The following ATPAF1 variants were observed in gnomAD, a reference collection of about 807,000 sequenced individuals.
ATPAF1 encodes the protein ATP synthase mitochondrial F1 complex assembly factor 1, also known as homolog of yeast ATP11.
Under a neutral mutation model 43.9 loss-of-function variants are expected in ATPAF1, and 26 were observed. That is an observed-to-expected ratio of 0.59 (90% confidence interval 0.43 to 0.82). ATPAF1 has a LOEUF of 0.82. Among genes scored for constraint, ATPAF1 ranks in the 40% least tolerant of loss-of-function variants. The pLI is 0.00. For synonymous variants in ATPAF1, 157 were observed against 168.0 expected (o/e 0.93, Z 0.50); for missense variants, 366 against 435.0 (o/e 0.84, Z 1.41).
intron 2 of ATPAF1, among the ~76,000 whole-genome samples, chr1:46,663,240 C>T (rs1341909822): frequency 3.9e-5 from 6 of 152,214 alleles, no homozygotes. Flanking sequence ...CCGCAATAAA[C>T]ATACATGTGC....
At chr1:46,648,893 C>T (rs61784001) in intron 6 of ATPAF1, among the ~76,000 whole-genome samples, 39,689 of 151,696 alleles carry the variant, frequency 0.26, 5,430 homozygotes, top group East Asian at 0.38. Context: ...GCTCAAGAAT[C>T]GCTTGAACCT....
At chr1:46,651,176 A>T (rs1225832782) in intron 6 of ATPAF1, among the ~76,000 whole-genome samples, 4 of 149,486 alleles carry the variant, frequency 2.7e-5, no homozygotes, top group Admixed American at 6.7e-5. Flanking sequence ...CAGTCCCCAG[A>T]GTGTGATGTT....
At chr1:46,664,924 C>A (rs1445422725) in intron 2 of ATPAF1, 9 of 237,218 alleles carry the variant, frequency 3.8e-5, no homozygotes, top group African/African-American at 2.0e-4. Flanking sequence ...AAATCCCCCA[C>A]AACGTTCCTA....
At chr1:46,646,444 G>C (rs1676046628) in intron 6 of ATPAF1, among the ~76,000 whole-genome samples, 2 of 151,882 alleles carry the variant, frequency 1.3e-5, no homozygotes, top group Admixed American at 1.3e-4. Flanking sequence ...GCTGATATTG[G>C]AGCATGGCTC....
At position 46,658,196 on chromosome 1, in the gene ATPAF1, A is replaced by G; in HGVS notation, c.427-7T>C. ...TAAAGATTGAACTGAGAGTCTTGAA[A>G]GAGACAATAAAAAGCAATTAACACA... On this transcript the variant is annotated splice_polypyrimidine_tract_variant and splice_region_variant and intron_variant, in intron 3 of 8. Coordinates refer to ENST00000574428, the Ensembl canonical transcript of ATPAF1. 2 of 1,592,580 alleles carry G rather than the reference A, an allele frequency of 1.3e-6. No homozygotes were observed. The highest frequency in any genetic ancestry group is 1.7e-6 in the Non-Finnish European group (2 of 1,170,252).
upstream of ATPAF1, chr1:46,668,378 C>T (rs1676533034): frequency 1.6e-6 from 2 of 1,249,358 alleles, no homozygotes; most frequent in Admixed American, 4.2e-5. This position sits in a 1 kb window ranked among gnomAD's most constrained non-coding sequence, Gnocchi z 4.4. Flanking sequence ...CCGCGGCCCG[C>T]GCGCCCGCTC....
rs780218473 is a variant in ATPAF1 at position 46,653,987 on chromosome 1, C to T, written c.490-120G>A. ...GCTATTTGATAACAGAGAGGAAAAACCCAGTATAACGCTTTCATTACTAGC... is the reference window on the plus strand; with the variant it reads ...GCTATTTGATAACAGAGAGGAAAAATCCAGTATAACGCTTTCATTACTAGC... On this transcript the variant is annotated intron_variant, in intron 4 of 8. Transcript: ENST00000574428. This position sits in a 1 kb window ranked among gnomAD's most constrained non-coding sequence, Gnocchi z 4.8. The T allele has an allele frequency of 1.2e-6, 1 of 809,896 alleles. No homozygotes were observed. The highest frequency in any genetic ancestry group is 1.9e-5 in the South Asian group (1 of 53,250). The allele number at this position is 809,896 out of a possible 1,614,324, so 50.2% of individuals were successfully genotyped here.
intron 2 of ATPAF1, 165 bp downstream of exon 2, chr1:46,665,091 T>C: frequency 1.5e-6 from 1 of 657,228 alleles, no homozygotes; most frequent in Non-Finnish European, 2.6e-6. Context: ...GTACTTTGCC[T>C]AGAAAGAGCA....
chr1:46,642,240 T>C (rs1184776286), intron 8 of ATPAF1, among the ~76,000 whole-genome samples: 1 of 152,208 alleles, frequency 6.6e-6, no homozygotes. Context: ...GTCCTAGGTT[T>C]GTGGGTTACT....
upstream of ATPAF1, chr1:46,668,408 C>T (rs1198662314): frequency 2.4e-5 from 28 of 1,180,482 alleles, no homozygotes; most frequent in East Asian, 9.6e-4. This position sits in a 1 kb window ranked among gnomAD's most constrained non-coding sequence, Gnocchi z 4.4. Context: ...CCGAGTGCGC[C>T]GCGCCCGCGC....
intron 3 of ATPAF1, 63 bp from the exon 4 acceptor site, chr1:46,658,252 C>CT: frequency 8.1e-7 from 1 of 1,229,466 alleles, no homozygotes; most frequent in Non-Finnish European, 1.2e-6. Context: ...CAGCTTAACT[C>CT]TATCTCTAAG....
At chr1:46,636,254 G>GT (rs1675839422) in intron 8 of ATPAF1, 2 of 483,248 alleles carry the variant, frequency 4.1e-6, no homozygotes, top group South Asian at 2.1e-5. Flanking sequence ...ACCGTGGTTT[G>GT]TTTTATATCT....
At chr1:46,642,646 C>A in intron 8 of ATPAF1, among the ~76,000 whole-genome samples, 1 of 152,140 alleles carries the variant, frequency 6.6e-6, no homozygotes, top group Non-Finnish European at 1.5e-5. Flanking sequence ...GAGAGCTATC[C>A]TAGGCTTCAA....
At chr1:46,665,854 C>T in intron 1 of ATPAF1, 1 of 1,423,890 alleles carries the variant, frequency 7.0e-7, no homozygotes, top group South Asian at 1.5e-5. Context: ...GATTTAGCAT[C>T]TGAGTATCTC....
chr1:46,668,332 C>A lies in ATPAF1; in HGVS notation c.-10G>T. On this transcript the variant is annotated 5_prime_UTR_variant, in exon 1 of 9. Coordinates refer to ENST00000574428, the Ensembl canonical transcript of ATPAF1. The surrounding 1 kb of genome is among the most constrained non-coding windows in gnomAD (Gnocchi z 4.4). ...CCACCACAGCAGCCATGGCCGCCCC[C>A]GCCTCCTCCTCCTCCTCAGGCGCGT... The A allele has an allele frequency of 1.5e-6, 2 of 1,357,544 alleles. No individual in the cohort carries two copies. The highest frequency in any genetic ancestry group is 1.7e-5 in the South Asian group (1 of 59,628). 84.1% of individuals were successfully genotyped at this position (1,357,544 alleles called of 1,614,324 possible).
intron 7 of ATPAF1, 55 bp downstream of exon 7, chr1:46,645,106 A>G: frequency 1.4e-6 from 2 of 1,420,638 alleles, no homozygotes; most frequent in South Asian, 1.2e-5. Context: ...AAGGGTTTCT[A>G]GTCCTACCAA....
chr1:46,659,714 T>A (rs1307917142), intron 2 of ATPAF1, among the ~76,000 whole-genome samples: 1 of 152,204 alleles, frequency 6.6e-6, no homozygotes. Context: ...AGGCTGTGCT[T>A]CTCAGAAGTA....
chr1:46,637,715 C>T (rs1675868598), intron 8 of ATPAF1, among the ~76,000 whole-genome samples: 1 of 152,202 alleles, frequency 6.6e-6, no homozygotes, highest in Non-Finnish European at 1.5e-5. Context: ...GCACTAATCT[C>T]TGAGACTGCA....
chr1:46,646,306 G>C (rs1676044706), intron 6 of ATPAF1, among the ~76,000 whole-genome samples: 1 of 152,100 alleles, frequency 6.6e-6, no homozygotes, highest in South Asian at 2.1e-4. Context: ...CTGTTGTATG[G>C]AATTCTATTG....
Sources: gnomAD v4.1 joint callset for allele counts (sites outside exome capture counted in the v4.1 genomes callset) on GRCh38, gnomAD v4.1.1 for gene constraint, Gnocchi (gnomAD v3.1) non-coding constraint, MANE v1.5 for transcripts, NCBI Gene and HGNC (gene_info 2026-07-23, HGNC 2026-07-21) for gene names.